The following TECPR2 variants were observed in gnomAD, a reference collection of about 807,000 sequenced individuals.
The protein encoded by TECPR2 is tectonin beta-propeller repeat containing 2, also known as tectonin beta-propeller repeat-containing protein 2.
Under a neutral mutation model 138.1 loss-of-function variants are expected in TECPR2, and 65 were observed. That is an observed-to-expected ratio of 0.47 (90% CI 0.39 to 0.58). The LOEUF (loss-of-function observed/expected upper bound fraction) is 0.58. TECPR2 is among the 20% of genes least tolerant of loss of function. TECPR2 has a pLI of 0.00. For synonymous variants in TECPR2, 746 were observed against 749.8 expected, an observed-to-expected ratio of 0.99 and a Z score of 0.08; for missense variants, 1,553 against 1,824.5, an observed-to-expected ratio of 0.85 and a Z score of 2.71.
At chr14:102,378,143 T>C (rs1242755741) in intron 2 of TECPR2, among the ~76,000 whole-genome samples, 1 of 152,208 alleles carries the variant, frequency 6.6e-6, no homozygotes, top group Non-Finnish European at 1.5e-5. Context: ...GTTGACTGAG[T>C]TGTGGCTTCC....
At chr14:102,461,659 C>T (rs775442357) in intron 16 of TECPR2, among the ~76,000 whole-genome samples, 15 of 152,242 alleles carry the variant, frequency 9.9e-5, no homozygotes, top group Non-Finnish European at 1.9e-4. Flanking sequence ...CCCCGCTCCA[C>T]GAAGCTGGCC....
At position 102,438,155 on chromosome 14, in the gene TECPR2, G is replaced by A. The variant is rs765981384; in HGVS notation, c.2528G>A (p.Arg843His). ...AGCGCGTTGCCGGGCGCCGGGCTGC[G>A]CTGGCAGAAGTTTGAAGATGCTGTC... The part of the protein sequence containing the change: ...FCSALPGAGL[R>H]WQKFEDAVQQ... Residue 843 changes from arginine to histidine, a missense_variant, in exon 10 of 20, where the codon CGC becomes CAC. Coordinates refer to ENST00000359520, the MANE Select transcript of TECPR2 (RefSeq NM_014844.5). The A allele has an allele frequency of 3.1e-6, 5 of 1,613,108 alleles. No homozygotes were observed. The highest frequency in any genetic ancestry group is 1.7e-5 in the Admixed American group (1 of 59,986).
intron 12 of TECPR2, among the ~76,000 whole-genome samples, chr14:102,444,899 C>T (rs1193202062): frequency 1.3e-5 from 2 of 152,182 alleles, no homozygotes; most frequent in Admixed American, 6.5e-5. Flanking sequence ...GAGCTGAGAT[C>T]GCACCATTGC....
intron 6 of TECPR2, among the ~76,000 whole-genome samples, chr14:102,427,401 C>T (rs533434852): frequency 1.3e-5 from 2 of 152,254 alleles, no homozygotes; most frequent in South Asian, 4.1e-4. Context: ...TCACAGTCAC[C>T]CTCAGAGACT....
At chr14:102,485,588 A>G (rs1372563346) in intron 17 of TECPR2, among the ~76,000 whole-genome samples, 6 of 151,984 alleles carry the variant, frequency 3.9e-5, no homozygotes, top group African/African-American at 1.5e-4. Flanking sequence ...CAGTCCCCTC[A>G]TCGTGCTTTA....
chr14:102,409,487 C>T (rs1387665366), intron 4 of TECPR2, among the ~76,000 whole-genome samples: 8 of 152,024 alleles, frequency 5.3e-5, no homozygotes, highest in African/African-American at 1.7e-4. Flanking sequence ...TTTGTAGAGA[C>T]GGAGTTTTAC....
chr14:102,440,319 G>T, intron 10 of TECPR2, 117 bp from the exon 11 acceptor site: 1 of 1,391,326 alleles, frequency 7.2e-7, no homozygotes. Flanking sequence ...CACTTGGGGG[G>T]ACAGAACAGG....
intron 17 of TECPR2, among the ~76,000 whole-genome samples, chr14:102,481,156 G>T (rs1203269709): frequency 6.6e-6 from 1 of 151,950 alleles, no homozygotes; most frequent in African/African-American, 2.4e-5. Flanking sequence ...GGGGCTACAG[G>T]TGAGTGCCAC....
At chr14:102,407,066 G>A (rs1446044094) in intron 2 of TECPR2, among the ~76,000 whole-genome samples, 1 of 152,046 alleles carries the variant, frequency 6.6e-6, no homozygotes, top group Non-Finnish European at 1.5e-5. Context: ...CGCCATGTTG[G>A]CCAGGCTGGT....
chr14:102,457,632 C>T lies in TECPR2; in HGVS notation c.3640+5005C>T, dbSNP rs576702264. Among the ~76,000 whole-genome samples, 47 of 152,168 alleles carry T rather than the reference C, an allele frequency of 3.1e-4. No individual in the cohort carries two copies. In the South Asian group the frequency reaches 8.1e-3, roughly 26 times the overall value. ...GCAGTGGGCCGGGTGCAGTGGCTTA[C>T]ACCTGTAATCCTAGCACTTTGGGAG... On this transcript the variant is annotated intron_variant, in intron 16 of 19. Transcript: ENST00000359520.
rs1430949124 is a variant in TECPR2 at position 102,502,122 on chromosome 14, C to T, written c.*3865C>T. 1.3e-5 allele frequency: 2 copies of T among 152,242 alleles called. No homozygotes were observed. Among genetic ancestry groups the T allele is most frequent in the Non-Finnish European group, 2.9e-5 (2 of 68,054 alleles). The allele number at this position is 152,242 out of a possible 1,614,324, so 9.4% of individuals were successfully genotyped here. A position where few individuals can be genotyped will look rare whatever the true frequency, so the allele number is the denominator to read the frequency against. ...GAAATAGCCTGCAGCTATTAAGAAG[C>T]ACGTGTGTGCAGGAAGCGGAGGCGC... On this transcript the variant is annotated 3_prime_UTR_variant, in exon 20 of 20. Transcript: ENST00000359520.
intron 2 of TECPR2, among the ~76,000 whole-genome samples, chr14:102,406,540 A>T (rs1397425725): frequency 6.7e-6 from 1 of 149,396 alleles, no homozygotes; most frequent in Non-Finnish European, 1.5e-5. Flanking sequence ...GTGAGATTCC[A>T]TCTCAAAAAA....
chr14:102,435,340 C>T lies in TECPR2; in HGVS notation c.2394+129C>T. 1.0e-5 allele frequency: 14 copies of T among 1,355,848 alleles called. No homozygotes were observed. The South Asian group carries it at 2.1e-4, about 20-fold the overall frequency. 84.0% of individuals were successfully genotyped at this position (1,355,848 alleles called of 1,614,324 possible). ...CTACTGCAAAATCCGTAGGCCAACT[C>T]TGTTTTCAAGTCTGGGTTTCAGGGG... On this transcript the variant is annotated intron_variant, in intron 9 of 19. Coordinates refer to ENST00000359520, the MANE Select transcript of TECPR2 (RefSeq NM_014844.5).
chr14:102,382,914 G>A (rs1887877551), intron 2 of TECPR2, among the ~76,000 whole-genome samples: 1 of 151,914 alleles, frequency 6.6e-6, no homozygotes, highest in African/African-American at 2.4e-5. Context: ...CTGCCACCAC[G>A]CCCAGCTAAT....
chr14:102,434,856 A>C lies in TECPR2; in HGVS notation c.2039A>C (p.Glu680Ala). 6.2e-7 allele frequency: 1 copy of C among 1,613,626 alleles called. No homozygotes were observed. Among genetic ancestry groups the C allele is most frequent in the Non-Finnish European group, 8.5e-7 (1 of 1,180,020 alleles). Residue 680 changes from glutamate (E) to alanine (A), a missense_variant, in exon 9 of 20, where the codon GAG becomes GCG. Transcript: ENST00000359520. The stretch of plus-strand genomic sequence containing the variant: ...GGCAGCCCCGTGGAGCCCAGCCAAG[A>C]GCAGGACATCCTAACCAGCATGGAG... ...DEGSPVEPSQ[E>A]QDILTSMEAS...
intron 2 of TECPR2, among the ~76,000 whole-genome samples, chr14:102,406,365 G>A (rs1378963505): frequency 4.0e-5 from 6 of 151,442 alleles, no homozygotes; most frequent in Admixed American, 1.3e-4. Flanking sequence ...TGCCTAACAC[G>A]GTGAAACCCC....
chr14:102,485,722 C>T (rs999808000), intron 17 of TECPR2, among the ~76,000 whole-genome samples: 3 of 152,302 alleles, frequency 2.0e-5, no homozygotes, highest in African/African-American at 7.2e-5. Flanking sequence ...TTGCCATGAC[C>T]CTAGAGGAGC....
rs1416230145 is a variant in TECPR2 at position 102,415,928 on chromosome 14, C to T, written c.638+1135C>T. 6.6e-6 allele frequency among the ~76,000 whole-genome samples: 1 copy of T among 152,004 alleles called. No homozygotes were observed. The highest frequency in any genetic ancestry group is 1.5e-5 in the Non-Finnish European group (1 of 67,990). On this transcript the variant is annotated intron_variant, in intron 5 of 19. Transcript: ENST00000359520. This position sits in a 1 kb window ranked among gnomAD's most constrained non-coding sequence, Gnocchi z 4.3. ...GCTGGTGGTGCCGTTGGGGACAGGC[C>T]GTCCTGGAGAGTCGGGTGAGGCGGA...
At chr14:102,427,471 G>A (rs773455548) in intron 6 of TECPR2, among the ~76,000 whole-genome samples, 1 of 152,188 alleles carries the variant, frequency 6.6e-6, no homozygotes, top group Non-Finnish European at 1.5e-5. Context: ...GTTTGCAGCA[G>A]TCCATCAGTT....
Sources: gnomAD v4.1 joint callset for allele counts (sites outside exome capture counted in the v4.1 genomes callset) on GRCh38, gnomAD v4.1.1 for gene constraint, Gnocchi (gnomAD v3.1) non-coding constraint, MANE v1.5 for transcripts, NCBI Gene and HGNC (gene_info 2026-07-23, HGNC 2026-07-21) for gene names.